INPP4B: variants seen among roughly 807,000 people sequenced by gnomAD.
The protein encoded by INPP4B is inositol polyphosphate 4-phosphatase type II.
A neutral mutation model predicts 122.5 loss-of-function variants in INPP4B; 55 were observed. The observed-to-expected ratio is 0.45, with a 90% confidence interval of 0.36 to 0.56. The LOEUF is 0.56. Ranked by LOEUF, INPP4B falls within the 20% of genes least tolerant of loss-of-function variation. The pLI, the probability that INPP4B is intolerant of heterozygous loss-of-function variation, is 0.00. For missense variants in INPP4B, 1,000 were observed against 1,097.7 expected (o/e 0.91, Z 1.26); for synonymous variants, 403 against 388.7 (o/e 1.04, Z -0.43).
intron 2 of INPP4B, among the ~76,000 whole-genome samples, chr4:142,715,530 CAA>C (rs1185986606): frequency 6.6e-6 from 1 of 152,076 alleles, no homozygotes; most frequent in Non-Finnish European, 1.5e-5. Flanking sequence ...TAGCATATCA[CAA>C]AGTCAGTGAA....
chr4:142,189,881 C>T (rs1277780990), intron 15 of INPP4B, among the ~76,000 whole-genome samples: 1 of 152,112 alleles, frequency 6.6e-6, no homozygotes, highest in African/African-American at 2.4e-5. Context: ...GTAAGGTACT[C>T]AGAAACTGTG....
intron 16 of INPP4B, among the ~76,000 whole-genome samples, chr4:142,162,848 C>A (rs1025018342): frequency 6.6e-6 from 1 of 151,928 alleles, no homozygotes; most frequent in Non-Finnish European, 1.5e-5. Context: ...AATAGCTAAT[C>A]TTTCACTTTG....
chr4:142,148,200 C>T (rs1811831639), intron 17 of INPP4B, among the ~76,000 whole-genome samples: 1 of 152,054 alleles, frequency 6.6e-6, no homozygotes, highest in Non-Finnish European at 1.5e-5. Context: ...GTTGTTAACT[C>T]TCTTGCTGTT....
At chr4:142,753,572 A>C (rs1770047946) in intron 1 of INPP4B, among the ~76,000 whole-genome samples, 1 of 152,036 alleles carries the variant, frequency 6.6e-6, no homozygotes, top group Admixed American at 6.6e-5. Flanking sequence ...ACCAGATTTA[A>C]GGCTTACTGC....
chr4:142,102,416 T>C (rs1010626239), intron 23 of INPP4B, among the ~76,000 whole-genome samples: 12 of 151,494 alleles, frequency 7.9e-5, no homozygotes, highest in African/African-American at 2.7e-4. Context: ...GAGAGAACCA[T>C]GGTTGATCAG....
rs1334081759 is a variant in INPP4B at position 142,053,401 on chromosome 4, CA to C, written c.2643-24488del. On this transcript the variant is annotated intron_variant, in intron 25 of 25. Coordinates refer to ENST00000262992, the MANE Select transcript of INPP4B (RefSeq NM_001101669.3). ...GAGATGGTGGTGAGGCTGGATCTAC[CA>C]AAAACATTAAGTGGATGGTAACATT... 7.2e-5 allele frequency among the ~76,000 whole-genome samples: 11 copies of C among 152,138 alleles called. No homozygotes were observed. In the East Asian group the frequency reaches 1.4e-3, roughly 19 times the overall value.
chr4:142,390,066 G>A (rs1797179724), intron 7 of INPP4B, among the ~76,000 whole-genome samples: 2 of 152,090 alleles, frequency 1.3e-5, no homozygotes, highest in Non-Finnish European at 2.9e-5. Flanking sequence ...CTTTCTTAGA[G>A]CACTGATCTG....
chr4:142,670,825 A>G (rs1295692107), intron 2 of INPP4B, among the ~76,000 whole-genome samples: 1 of 152,160 alleles, frequency 6.6e-6, no homozygotes, highest in African/African-American at 2.4e-5. Context: ...AATGATTACT[A>G]TGTGAGATAA....
At chr4:142,633,249 A>G (rs1748381288) in intron 2 of INPP4B, among the ~76,000 whole-genome samples, 3 of 152,130 alleles carry the variant, frequency 2.0e-5, no homozygotes, top group Non-Finnish European at 4.4e-5. Flanking sequence ...AAAATATAGA[A>G]AGCAAATATT....
intron 2 of INPP4B, among the ~76,000 whole-genome samples, chr4:142,609,576 C>A (rs1027841825): frequency 6.6e-6 from 1 of 152,102 alleles, no homozygotes; most frequent in Admixed American, 6.6e-5. Context: ...GAAATGAATA[C>A]TTCTAATATT....
chr4:142,220,450 TG>T (rs1848918691), intron 12 of INPP4B, among the ~76,000 whole-genome samples: 1 of 152,278 alleles, frequency 6.6e-6, no homozygotes, highest in South Asian at 2.1e-4. Flanking sequence ...GCTTATTCTA[TG>T]TCTGCTACTA....
At chr4:142,571,738 T>G (rs1279482210) in intron 2 of INPP4B, among the ~76,000 whole-genome samples, 1 of 152,156 alleles carries the variant, frequency 6.6e-6, no homozygotes, top group Non-Finnish European at 1.5e-5. Flanking sequence ...TTGAGGGTTT[T>G]GGCAAAGAAT....
At chr4:142,211,666 G>A (rs558194190) in intron 12 of INPP4B, among the ~76,000 whole-genome samples, 2 of 152,268 alleles carry the variant, frequency 1.3e-5, no homozygotes, top group East Asian at 1.9e-4. Context: ...TTTGTACCTT[G>A]GAATAGTTAG....
At position 142,309,039 on chromosome 4, in the gene INPP4B, G is replaced by GA. The variant is rs144089971; in HGVS notation, c.424-3503dup. Among the ~76,000 whole-genome samples the GA allele has an allele frequency of 5.2e-3, 787 of 152,070 alleles. 7 individuals carry two copies. Among genetic ancestry groups the GA allele is most frequent in the Non-Finnish European group, 7.4e-3 (506 of 67,972 alleles). On this transcript the variant is annotated intron_variant, in intron 8 of 25. Transcript: ENST00000262992. ...TCCACTACTCTAGGCCTTAGTTGCT[G>GA]AAAAAAATGCCTATGATAACTTATC...
rs143527789 is a variant in INPP4B, at chr4:142,757,469, C to G, written c.-253-31568G>C. Reference sequence around the variant, plus strand: ...TCTTCCCTGAAACTCTTGGCAACCACTAATCCTTTAACTGTCTCCATAGTT... The same window carrying G: ...TCTTCCCTGAAACTCTTGGCAACCAGTAATCCTTTAACTGTCTCCATAGTT... On this transcript the variant is annotated intron_variant, in intron 1 of 25. Transcript: ENST00000262992. Among the ~76,000 whole-genome samples, 37 of 152,284 alleles carry G rather than the reference C, an allele frequency of 2.4e-4. No individual in the cohort carries two copies. The East Asian group carries it at 6.6e-3, about 27-fold the overall frequency.
chr4:142,107,032 C>T (rs1787504093), intron 23 of INPP4B, among the ~76,000 whole-genome samples: 2 of 151,848 alleles, frequency 1.3e-5, no homozygotes, highest in South Asian at 4.1e-4. Context: ...AGGTAATTAA[C>T]AAATTTAATA....
intron 1 of INPP4B, among the ~76,000 whole-genome samples, chr4:142,823,727 C>A (rs575929605): frequency 5.3e-5 from 8 of 152,092 alleles, no homozygotes; most frequent in Admixed American, 4.6e-4. Flanking sequence ...GGAATGATAG[C>A]GTTTTGATAA....
At chr4:142,706,766 G>C (rs889598616) in intron 2 of INPP4B, among the ~76,000 whole-genome samples, 1 of 152,232 alleles carries the variant, frequency 6.6e-6, no homozygotes, top group East Asian at 1.9e-4. Flanking sequence ...CTATGCATTT[G>C]CTGGGTAATA....
intron 5 of INPP4B, among the ~76,000 whole-genome samples, chr4:142,412,895 A>G (rs3822157): frequency 0.31 from 47,148 of 152,002 alleles, 7,652 homozygotes; most frequent in South Asian, 0.4. Flanking sequence ...TATCAAAGTC[A>G]CCACTCATAT....
Sources: gnomAD v4.1 joint callset for allele counts (sites outside exome capture counted in the v4.1 genomes callset) on GRCh38, gnomAD v4.1.1 for gene constraint, MANE v1.5 for transcripts, NCBI Gene and HGNC (gene_info 2026-07-23, HGNC 2026-07-21) for gene names.